Variants in MAST2 observed in about 807,000 individuals in gnomAD.
The protein encoded by MAST2 is microtubule associated serine/threonine kinase 2.
A neutral mutation model predicts 147.4 loss-of-function variants in MAST2; 70 were observed. The observed-to-expected ratio is 0.47, with a 90% CI of 0.39 to 0.58. The LOEUF is 0.58. Among genes scored for constraint, MAST2 ranks in the 20% least tolerant of loss-of-function variants. The probability of loss-of-function intolerance (pLI) is 0.00; values close to 1 mark genes in which losing one functional copy is unlikely to be tolerated. For synonymous variants in MAST2, 869 were observed against 896.8 expected, an observed-to-expected ratio of 0.97 and a Z score of 0.55; for missense variants, 2,080 against 2,302.3, an observed-to-expected ratio of 0.90 and a Z score of 1.98.
intron 4 of MAST2, among the ~76,000 whole-genome samples, chr1:45,920,350 C>T (rs898596287): frequency 3.9e-5 from 6 of 152,198 alleles, no homozygotes; most frequent in African/African-American, 1.4e-4. Context: ...AAGTTCTCAA[C>T]TCTGTCTTCT....
At chr1:45,871,374 G>A (rs1201878019) in intron 3 of MAST2, among the ~76,000 whole-genome samples, 2 of 151,742 alleles carry the variant, frequency 1.3e-5, no homozygotes, top group East Asian at 1.9e-4. Flanking sequence ...AACTTATTTG[G>A]CCATGTAATC....
At chr1:45,968,345 T>G (rs1449823064) in intron 5 of MAST2, among the ~76,000 whole-genome samples, 1 of 152,202 alleles carries the variant, frequency 6.6e-6, no homozygotes, top group Admixed American at 6.5e-5. Context: ...CAACTTCTTT[T>G]AACATTTCTT....
chr1:45,897,485 T>A (rs1041242384), intron 4 of MAST2, among the ~76,000 whole-genome samples: 20 of 152,160 alleles, frequency 1.3e-4, no homozygotes, highest in Non-Finnish European at 2.6e-4. Context: ...AGAGAAAAAA[T>A]AAATTTTTTA....
chr1:45,885,988 G>T (rs1027047210), intron 4 of MAST2, among the ~76,000 whole-genome samples: 3 of 152,068 alleles, frequency 2.0e-5, no homozygotes, highest in African/African-American at 4.8e-5. Flanking sequence ...TCTAGGCTGG[G>T]TGTGGTGGTT....
At chr1:46,029,312 T>C (rs977493192) in intron 18 of MAST2, 154 bp from the exon 19 acceptor site, 5 of 606,138 alleles carry the variant, frequency 8.2e-6, no homozygotes, top group Admixed American at 2.9e-5. Context: ...TAGGAACCTA[T>C]AGAATTTAAG....
chr1:45,908,476 G>T (rs1385495180), intron 4 of MAST2, among the ~76,000 whole-genome samples: 1 of 152,086 alleles, frequency 6.6e-6, no homozygotes, highest in Non-Finnish European at 1.5e-5. Flanking sequence ...TTTGGTGTGT[G>T]TGTCTTTATT....
chr1:45,934,902 T>C (rs754352172), intron 4 of MAST2, among the ~76,000 whole-genome samples: 10 of 152,238 alleles, frequency 6.6e-5, no homozygotes, highest in Non-Finnish European at 1.3e-4. Flanking sequence ...CTTATTTTCC[T>C]TTGGGCATAT....
intron 5 of MAST2, among the ~76,000 whole-genome samples, chr1:45,981,771 A>G (rs1405511807): frequency 6.6e-6 from 1 of 151,848 alleles, no homozygotes; most frequent in Non-Finnish European, 1.5e-5. Context: ...TCTCACTGTC[A>G]TAATTTTGGC....
chr1:45,969,803 C>G (rs1019466643), intron 5 of MAST2, among the ~76,000 whole-genome samples: 1 of 152,106 alleles, frequency 6.6e-6, no homozygotes, highest in Non-Finnish European at 1.5e-5. Context: ...CTGTAAACCC[C>G]TTGCCTCCCC....
intron 19 of MAST2, 117 bp downstream of exon 19, chr1:46,029,684 C>CT: frequency 7.4e-7 from 1 of 1,356,168 alleles, no homozygotes; most frequent in Non-Finnish European, 1.0e-6. Context: ...TCCTGAAACT[C>CT]TGCCCTGCTC....
chr1:45,858,125 C>T (rs958384846), intron 3 of MAST2, among the ~76,000 whole-genome samples: 1 of 152,156 alleles, frequency 6.6e-6, no homozygotes, highest in East Asian at 1.9e-4. Flanking sequence ...TGGGTATATA[C>T]CCAGTAATGG....
intron 2 of MAST2, among the ~76,000 whole-genome samples, chr1:45,827,072 C>T (rs1448218101): frequency 6.6e-6 from 1 of 152,118 alleles, no homozygotes; most frequent in South Asian, 2.1e-4. Flanking sequence ...TCGTGATCCG[C>T]CTGCCTCGGC....
At chr1:45,884,384 CTAAAAA>C (rs1302850925) in intron 4 of MAST2, among the ~76,000 whole-genome samples, 8 of 151,950 alleles carry the variant, frequency 5.3e-5, no homozygotes, top group African/African-American at 1.7e-4. Context: ...CCTGTCTCTA[CTAAAAA>C]TAAAAATAAA....
chr1:45,970,648 A>G (rs962651767), intron 5 of MAST2, among the ~76,000 whole-genome samples: 10 of 141,506 alleles, frequency 7.1e-5, no homozygotes, highest in Non-Finnish European at 3.0e-5. Context: ...AGCCTGGGCA[A>G]CAGAGGAAGA....
At chr1:45,896,817 G>A (rs925218768) in intron 4 of MAST2, among the ~76,000 whole-genome samples, 2 of 152,150 alleles carry the variant, frequency 1.3e-5, no homozygotes, top group South Asian at 4.1e-4. Flanking sequence ...AACAATATTT[G>A]TATATGCAGT....
In MAST2 at chr1:45,856,067, C is replaced by T. The variant is rs1319094544; in HGVS notation, c.469-26297C>T. Among the ~76,000 whole-genome samples the T allele has an allele frequency of 2.0e-5, 3 of 152,170 alleles. No homozygotes were observed. In the East Asian group the frequency reaches 5.8e-4, roughly 29 times the overall value. ...AAAAGCTCTGTCCTGAGTGTATACACAGTGCAATATAATTTTTATTTATTT... is the reference window on the plus strand; with the variant it reads ...AAAAGCTCTGTCCTGAGTGTATACATAGTGCAATATAATTTTTATTTATTT... On this transcript the variant is annotated intron_variant, in intron 3 of 28. Coordinates refer to ENST00000361297, the MANE Select transcript of MAST2 (RefSeq NM_015112.3).
chr1:45,806,060 A>C (rs903388508), intron 1 of MAST2, among the ~76,000 whole-genome samples: 50 of 152,214 alleles, frequency 3.3e-4, no homozygotes, highest in Non-Finnish European at 6.6e-4. Context: ...GGTTTGACAA[A>C]TCAAAGGTTC....
intron 3 of MAST2, among the ~76,000 whole-genome samples, chr1:45,865,300 A>G (rs1187597077): frequency 6.6e-6 from 1 of 152,240 alleles, no homozygotes; most frequent in African/African-American, 2.4e-5. Context: ...TTATAATTAG[A>G]GAACTTATCT....
At chr1:45,845,922 G>C (rs1002120911) in intron 3 of MAST2, among the ~76,000 whole-genome samples, 2 of 151,970 alleles carry the variant, frequency 1.3e-5, no homozygotes, top group Non-Finnish European at 2.9e-5. Context: ...CACCATGCCC[G>C]GCTAGTTTTT....
Sources: gnomAD v4.1 joint callset for allele counts (sites outside exome capture counted in the v4.1 genomes callset) on GRCh38, gnomAD v4.1.1 for gene constraint, MANE v1.5 for transcripts, NCBI Gene and HGNC (gene_info 2026-07-23, HGNC 2026-07-21) for gene names.